The following PRTG variants were observed in gnomAD, a reference collection of about 807,000 sequenced individuals.
The protein encoded by PRTG is protogenin, also known as immunoglobulin superfamily, DCC subclass, member 5.
Under a neutral mutation model 122.5 loss-of-function variants are expected in PRTG, and 67 were observed. The observed-to-expected ratio is 0.55, with a 90% CI of 0.45 to 0.67. The LOEUF (loss-of-function observed/expected upper bound fraction) is 0.67, where lower values mean the gene tolerates loss of function less well. PRTG is among the 30% of genes least tolerant of loss of function. PRTG has a pLI of 0.00. For synonymous variants in PRTG, 554 were observed against 501.1 expected (o/e 1.11, Z -1.41); for missense variants, 1,435 against 1,415.4 (o/e 1.01, Z -0.22).
chr15:55,695,499 G>C lies in PRTG; in HGVS notation c.398-11568C>G, dbSNP rs548489083. Among the ~76,000 whole-genome samples the C allele has an allele frequency of 1.2e-4, 19 of 152,238 alleles. No homozygotes were observed. The East Asian group carries it at 3.5e-3, about 28-fold the overall frequency. On this transcript the variant is annotated intron_variant, in intron 2 of 19. Transcript: ENST00000389286. The stretch of plus-strand genomic sequence containing the variant: ...GGTTTTAAACGGTGGTCCTAACACT[G>C]CAGTTCAGCCAGGGGATCCCAAGGC...
intron 11 of PRTG, among the ~76,000 whole-genome samples, chr15:55,642,744 G>A (rs758875286): frequency 1.3e-4 from 19 of 152,000 alleles, no homozygotes; most frequent in Admixed American, 9.2e-4. Context: ...GGAAAACGAC[G>A]TGAAATTAAA....
In PRTG at chr15:55,612,726, A is replaced by G. The variant is rs1416225793; in HGVS notation, c.*7286T>C. The G allele has an allele frequency of 9.0e-5, 2 of 22,104 alleles. No homozygotes were observed. Among genetic ancestry groups the G allele is most frequent in the African/African-American group, 1.2e-4 (2 of 16,612 alleles). 1.4% of individuals were successfully genotyped at this position (22,104 alleles called of 1,614,324 possible). On this transcript the variant is annotated 3_prime_UTR_variant, in exon 20 of 20. Coordinates refer to ENST00000389286, the MANE Select transcript of PRTG (RefSeq NM_173814.6). The stretch of plus-strand genomic sequence containing the variant: ...TATATATATATATATATATATATAT[A>G]TATATATATATATATATATATATGA...
In PRTG at chr15:55,713,579, C is replaced by G. The variant is rs375327848; in HGVS notation, c.397+26803G>C. 1.4e-4 allele frequency among the ~76,000 whole-genome samples: 22 copies of G among 152,272 alleles called. No individual in the cohort carries two copies. In the South Asian group the frequency reaches 4.3e-3, roughly 30 times the overall value. ...TTTAAATTTCCATCAGCTTTCTTTG[C>G]CATCATTTGGAAATCACAGGTGTTA... is the stretch of plus-strand genomic sequence containing the variant. On this transcript the variant is annotated intron_variant, in intron 2 of 19. Transcript: ENST00000389286.
intron 13 of PRTG, 51 bp downstream of exon 13, chr15:55,639,591 G>C (rs573243662): frequency 1.1e-5 from 17 of 1,502,042 alleles, no homozygotes; most frequent in Middle Eastern, 3.5e-4. Flanking sequence ...AGTTGGAGTG[G>C]GGGTGTGGTG....
chr15:55,677,950 G>A lies in PRTG; in HGVS notation c.1228C>T (p.Leu410=). ...CTGTCTTCTGACATCACTACAGTCA[G>A]TCTGGCTCTAGATAAAATAGATCCT... ...SQGSILSRAR[L]TVVMSEDRPS... is the part of the protein sequence containing the mutation. The change falls in exon 8 of 20, where the codon CTG becomes TTG. Residue 410 remains leucine, a synonymous_variant. Coordinates refer to ENST00000389286, the MANE Select transcript of PRTG (RefSeq NM_173814.6). 6.2e-7 allele frequency: 1 copy of A among 1,613,518 alleles called. No individual in the cohort carries two copies. Among genetic ancestry groups the A allele is most frequent in the South Asian group, 1.1e-5 (1 of 91,066 alleles).
Position 55,680,320 on chromosome 15 carries a change from T to C in PRTG, c.815-108A>G, listed in dbSNP as rs929331070. The C allele has an allele frequency of 1.8e-5, 20 of 1,131,936 alleles. No homozygotes were observed. In the African/African-American group the frequency reaches 3.0e-4, roughly 17 times the overall value. The allele number at this position is 1,131,936 out of a possible 1,614,324, so 70.1% of individuals were successfully genotyped here. A position where few individuals can be genotyped will look rare whatever the true frequency, so the allele number is the denominator to read the frequency against. On this transcript the variant is annotated intron_variant, in intron 5 of 19. Coordinates refer to ENST00000389286, the MANE Select transcript of PRTG (RefSeq NM_173814.6). ...ATCATGAAAAGTATAAAATTAAATA[T>C]AAAATTCTCCATGTTAAGACCTTTT...
At chr15:55,709,297 T>C (rs1302239392) in intron 2 of PRTG, among the ~76,000 whole-genome samples, 1 of 147,140 alleles carries the variant, frequency 6.8e-6, no homozygotes, top group Non-Finnish European at 1.5e-5. Context: ...GGGAGACCCA[T>C]AACAAAAAGA....
At position 55,619,956 on chromosome 15, in the gene PRTG, G is replaced by C. The variant is rs1446299786; in HGVS notation, c.*56C>G. ...TGCTCACTAACAGATGACACAGCAG[G>C]GTCTTCACACTTCCTCAATGCGGAA... On this transcript the variant is annotated 3_prime_UTR_variant, in exon 20 of 20. Transcript: ENST00000389286. 1.9e-6 allele frequency: 3 copies of C among 1,600,084 alleles called. No individual in the cohort carries two copies. Among genetic ancestry groups the C allele is most frequent in the Non-Finnish European group, 2.6e-6 (3 of 1,173,074 alleles).
At chr15:55,697,382 C>T (rs1236111742) in intron 2 of PRTG, among the ~76,000 whole-genome samples, 1 of 152,208 alleles carries the variant, frequency 6.6e-6, no homozygotes, top group African/African-American at 2.4e-5. Flanking sequence ...TGAATGAACT[C>T]AACAAACCAC....
intron 17 of PRTG, 81 bp downstream of exon 17, chr15:55,626,927 G>A: frequency 7.6e-7 from 1 of 1,312,406 alleles, no homozygotes; most frequent in Non-Finnish European, 1.0e-6. Flanking sequence ...ACTCTAAAAG[G>A]CACTTGACTT....
At position 55,614,080 on chromosome 15, in the gene PRTG, C is replaced by T. The variant is rs1287536036; in HGVS notation, c.*5932G>A. 1 of 151,936 alleles carries T rather than the reference C, an allele frequency of 6.6e-6. No individual in the cohort carries two copies. The highest frequency in any genetic ancestry group is 1.5e-5 in the Non-Finnish European group (1 of 67,946). The allele number at this position is 151,936 out of a possible 1,614,324, so 9.4% of individuals were successfully genotyped here. A position where few individuals can be genotyped will look rare whatever the true frequency, so the allele number is the denominator to read the frequency against. ...ATGCTTACTCGGAGTATTATTCTGG[C>T]CTTTCTCATAATGGAGACAGCTTTA... On this transcript the variant is annotated 3_prime_UTR_variant, in exon 20 of 20. Coordinates refer to ENST00000389286, the MANE Select transcript of PRTG (RefSeq NM_173814.6).
At chr15:55,627,170 T>C (rs796654012) in intron 16 of PRTG, 42 bp from the exon 17 acceptor site, 1 of 1,439,486 alleles carries the variant, frequency 6.9e-7, no homozygotes, top group East Asian at 2.6e-5. Context: ...ATCAGAAAAA[T>C]AAATTATTTA....
At chr15:55,663,831 T>C (rs1273918219) in intron 11 of PRTG, among the ~76,000 whole-genome samples, 4 of 152,128 alleles carry the variant, frequency 2.6e-5, no homozygotes, top group Non-Finnish European at 4.4e-5. Flanking sequence ...CGTGAGCTAC[T>C]GCACCTGGCC....
chr15:55,687,117 A>T (rs1391167537), intron 2 of PRTG, among the ~76,000 whole-genome samples: 1 of 152,368 alleles, frequency 6.6e-6, no homozygotes, highest in South Asian at 2.1e-4. Flanking sequence ...TACTTTCTGA[A>T]TTGAACTAGT....
At chr15:55,730,524 G>A (rs1490389207) in intron 2 of PRTG, among the ~76,000 whole-genome samples, 1 of 152,174 alleles carries the variant, frequency 6.6e-6, no homozygotes, top group African/African-American at 2.4e-5. Context: ...CTATAGGCTA[G>A]ATGCAGTGGC....
At chr15:55,623,460 G>A (rs968590655) in intron 18 of PRTG, among the ~76,000 whole-genome samples, 4 of 152,074 alleles carry the variant, frequency 2.6e-5, no homozygotes, top group African/African-American at 7.2e-5. Flanking sequence ...CCGGCTACTC[G>A]GGAGGCTGAG....
chr15:55,720,739 C>G (rs1019905361), intron 2 of PRTG, among the ~76,000 whole-genome samples: 1 of 152,176 alleles, frequency 6.6e-6, no homozygotes. Context: ...CTGGGCCACA[C>G]TTGAAAAATA....
chr15:55,720,444 T>C (rs1411203676), intron 2 of PRTG, among the ~76,000 whole-genome samples: 1 of 152,232 alleles, frequency 6.6e-6, no homozygotes, highest in Non-Finnish European at 1.5e-5. Flanking sequence ...AAGACTTGAC[T>C]GATCTGGTTC....
chr15:55,668,319 A>T (rs2059449689), intron 11 of PRTG, among the ~76,000 whole-genome samples: 1 of 152,208 alleles, frequency 6.6e-6, no homozygotes. Flanking sequence ...ATAAAGACTT[A>T]ATAATTCAGA....
Sources: gnomAD v4.1 joint callset for allele counts (sites outside exome capture counted in the v4.1 genomes callset) on GRCh38, gnomAD v4.1.1 for gene constraint, MANE v1.5 for transcripts, NCBI Gene and HGNC (gene_info 2026-07-23, HGNC 2026-07-21) for gene names.